Variants in SNRNP48 observed in about 807,000 individuals in gnomAD.
The protein encoded by SNRNP48 is U11/U12 small nuclear ribonucleoprotein 48 kDa protein.
In SNRNP48, 43 loss-of-function variants were observed where a neutral mutation model predicts 47.0. The ratio of observed to expected loss-of-function variants is 0.92; its 90% CI spans 0.72 to 1.18. SNRNP48 has a LOEUF of 1.18. Ranked by LOEUF, SNRNP48 falls within the 50% of genes most tolerant of loss-of-function variation. The pLI is 0.00. For missense variants in SNRNP48, 396 were observed against 422.2 expected, an observed-to-expected ratio of 0.94 and a Z score of 0.54; for synonymous variants, 138 against 144.0, an observed-to-expected ratio of 0.96 and a Z score of 0.30.
At chr6:7,594,224 T>C in intron 3 of SNRNP48, 65 bp downstream of exon 3, 1 of 779,034 alleles carries the variant, frequency 1.3e-6, no homozygotes, top group Non-Finnish European at 2.0e-6. Flanking sequence ...CATTTTTGCA[T>C]TATGAAAAGA....
At chr6:7,601,758 T>C (rs761058802) in intron 5 of SNRNP48, among the ~76,000 whole-genome samples, 1 of 152,220 alleles carries the variant, frequency 6.6e-6, no homozygotes, top group Non-Finnish European at 1.5e-5. Context: ...CTCTGTACTA[T>C]ACATGTAGAG....
intron 4 of SNRNP48, among the ~76,000 whole-genome samples, chr6:7,596,950 C>T (rs539462367): frequency 6.6e-6 from 1 of 152,232 alleles, no homozygotes; most frequent in African/African-American, 2.4e-5. Flanking sequence ...ATCATCTAAT[C>T]CAGTGTCTGC....
intron 6 of SNRNP48, among the ~76,000 whole-genome samples, chr6:7,604,854 A>G (rs894419309): frequency 6.6e-6 from 1 of 152,230 alleles, no homozygotes; most frequent in Non-Finnish European, 1.5e-5. Context: ...GATTAAGTCA[A>G]GATGACTTAA....
At chr6:7,605,974 C>A in intron 7 of SNRNP48, 57 bp from the exon 8 acceptor site, 1 of 1,511,140 alleles carries the variant, frequency 6.6e-7, no homozygotes, top group Non-Finnish European at 8.9e-7. Context: ...TGTCTGTGTA[C>A]GTATACTGGA....
rs995731303 is a variant in SNRNP48 at position 7,599,705 on chromosome 6, C to A, written c.407-1631C>A. 5 of 1,284,406 alleles carry A rather than the reference C, an allele frequency of 3.9e-6. No individual in the cohort carries two copies. In the Admixed American group the frequency reaches 1.2e-4, roughly 30 times the overall value. The allele number at this position is 1,284,406 out of a possible 1,614,324, so 79.6% of individuals were successfully genotyped here. ...GGTGAGTATAAAGAGGAATTAGGAA[C>A]CTGAATGTACTCCTTATTTAAAGAT... On this transcript the variant is annotated intron_variant, in intron 4 of 8. Coordinates refer to ENST00000342415, the MANE Select transcript of SNRNP48 (RefSeq NM_152551.4).
chr6:7,599,353 G>T (rs971168895), intron 4 of SNRNP48, among the ~76,000 whole-genome samples: 53 of 152,076 alleles, frequency 3.5e-4, no homozygotes, highest in Non-Finnish European at 8.8e-5. Flanking sequence ...ATGGATAGAG[G>T]TTGCACAACG....
chr6:7,601,241 G>A, intron 4 of SNRNP48, 95 bp from the exon 5 acceptor site: 1 of 958,578 alleles, frequency 1.0e-6, no homozygotes, highest in Non-Finnish European at 1.5e-6. Context: ...TGTTAATATT[G>A]CATTATTAAA....
intron 4 of SNRNP48, among the ~76,000 whole-genome samples, chr6:7,598,658 A>C (rs111514400): frequency 0.015 from 2,219 of 152,274 alleles, 62 homozygotes; most frequent in African/African-American, 0.05. Context: ...TTAAGGGAGA[A>C]TGACTAACAT....
chr6:7,598,831 C>T (rs1460046435), intron 4 of SNRNP48, among the ~76,000 whole-genome samples: 1 of 152,210 alleles, frequency 6.6e-6, no homozygotes, highest in East Asian at 1.9e-4. Context: ...AAAGCTCATA[C>T]AGCTATTCAA....
At chr6:7,604,440 T>C (rs1760088293) in intron 6 of SNRNP48, among the ~76,000 whole-genome samples, 1 of 152,218 alleles carries the variant, frequency 6.6e-6, no homozygotes, top group Non-Finnish European at 1.5e-5. Context: ...TGTTGAGAGA[T>C]GAGGCTAAGT....
At chr6:7,599,710 A>G (rs555351330) in intron 4 of SNRNP48, 420 of 1,284,828 alleles carry the variant, frequency 3.3e-4, no homozygotes, top group Non-Finnish European at 4.2e-4. Flanking sequence ...AGGAACCTGA[A>G]TGTACTCCTT....
At chr6:7,597,822 T>C (rs1759929905) in intron 4 of SNRNP48, among the ~76,000 whole-genome samples, 1 of 151,978 alleles carries the variant, frequency 6.6e-6, no homozygotes, top group Non-Finnish European at 1.5e-5. Context: ...TAATTTTGAA[T>C]TCTTACACTA....
chr6:7,607,269 G>C (rs1760145025), intron 8 of SNRNP48, among the ~76,000 whole-genome samples: 1 of 152,208 alleles, frequency 6.6e-6, no homozygotes, highest in Non-Finnish European at 1.5e-5. Flanking sequence ...AGTGAGCCGT[G>C]TTCTCACCCC....
In SNRNP48 at chr6:7,602,725, C is replaced by T. The variant is rs755791711; in HGVS notation, c.698C>T (p.Thr233Ile). The T allele has an allele frequency of 1.9e-6, 3 of 1,584,710 alleles. No individual in the cohort carries two copies. The highest frequency in any genetic ancestry group is 2.6e-6 in the Non-Finnish European group (3 of 1,168,722). ...TATAGAGCCAAGAATGTTCACATAACCAAGAAATCATATACTGAGGTAAGT... is the reference window on the plus strand; with the variant it reads ...TATAGAGCCAAGAATGTTCACATAATCAAGAAATCATATACTGAGGTAAGT... The part of the protein sequence containing the change: ...QSYRAKNVHI[T>I]KKSYTEVIRD... The change falls in exon 6 of 9, where the codon ACC becomes ATC. Residue 233 changes from threonine to isoleucine, a missense_variant. Coordinates refer to ENST00000342415, the MANE Select transcript of SNRNP48 (RefSeq NM_152551.4).
At chr6:7,594,247 A>G in intron 3 of SNRNP48, 88 bp downstream of exon 3, 1 of 609,854 alleles carries the variant, frequency 1.6e-6, no homozygotes, top group Non-Finnish European at 2.7e-6. Context: ...GGATTGTATA[A>G]GCATGCTTAT....
Position 7,593,730 on chromosome 6 carries a change from A to G in SNRNP48, c.157-4A>G, listed in dbSNP as rs192152450. 2.2e-4 allele frequency: 346 copies of G among 1,543,458 alleles called. 1 individual carries two copies. Among genetic ancestry groups the G allele is most frequent in the Non-Finnish European group, 9.6e-6 (11 of 1,147,540 alleles). On this transcript the variant is annotated splice_region_variant and splice_polypyrimidine_tract_variant and intron_variant, in intron 1 of 8. Coordinates refer to ENST00000342415, the MANE Select transcript of SNRNP48 (RefSeq NM_152551.4). ...TTTTCTTTGTTTCTGTTTGATTTTT[A>G]TAGGATGAAGTTGTGATATGTCCAT...
At position 7,590,220 on chromosome 6, in the gene SNRNP48, C is replaced by T; in HGVS notation, c.-38C>T. 10 of 1,278,538 alleles carry T rather than the reference C, an allele frequency of 7.8e-6. No homozygotes were observed. The highest frequency in any genetic ancestry group is 3.3e-5 in the South Asian group (1 of 30,514). 79.2% of individuals were successfully genotyped at this position (1,278,538 alleles called of 1,614,324 possible). On this transcript the variant is annotated 5_prime_UTR_variant, in exon 1 of 9. Coordinates refer to ENST00000342415, the MANE Select transcript of SNRNP48 (RefSeq NM_152551.4). ...CCCAGAGGCCTGCGCGTGCGGTCTG[C>T]AGTTCGGCCGCTTCCTCTTGGCGGG...
chr6:7,591,326 C>T (rs1248713798), intron 1 of SNRNP48, among the ~76,000 whole-genome samples: 2 of 151,892 alleles, frequency 1.3e-5, no homozygotes, highest in Admixed American at 1.3e-4. Context: ...AGTGAACATT[C>T]GTGATTTTTG....
chr6:7,605,267 A>ACAAGTCC, intron 6 of SNRNP48, 131 bp from the exon 7 acceptor site: 1 of 681,352 alleles, frequency 1.5e-6, no homozygotes, highest in East Asian at 2.6e-5. Flanking sequence ...TCTAAACTGC[A>ACAAGTCC]CAAGTCCCAC....
Sources: gnomAD v4.1 joint callset for allele counts (sites outside exome capture counted in the v4.1 genomes callset) on GRCh38, gnomAD v4.1.1 for gene constraint, MANE v1.5 for transcripts, NCBI Gene and HGNC (gene_info 2026-07-23, HGNC 2026-07-21) for gene names.